Variants in NRG1 observed in about 807,000 individuals in gnomAD.
The protein encoded by NRG1 is pro-neuregulin-1, membrane-bound isoform.
In NRG1, 18 loss-of-function variants were observed where a neutral mutation model predicts 63.8. That is an observed-to-expected ratio of 0.28 (90% CI 0.19 to 0.42). NRG1 has a LOEUF of 0.42. Ranked by LOEUF, NRG1 falls within the 10% of genes least tolerant of loss-of-function variation. NRG1 has a pLI of 1.00. For missense variants in NRG1, 762 were observed against 814.7 expected (o/e 0.94, Z 0.79); for synonymous variants, 302 against 301.3 (o/e 1.00, Z -0.02).
intron 1 of NRG1, among the ~76,000 whole-genome samples, chr8:32,074,999 G>A (rs1826281114): frequency 6.6e-6 from 1 of 152,152 alleles, no homozygotes; most frequent in African/African-American, 2.4e-5. Flanking sequence ...TGTGCCTTTA[G>A]GCAGGATGCC....
At chr8:31,802,721 C>T (rs912307897) in intron 1 of NRG1, among the ~76,000 whole-genome samples, 2 of 152,032 alleles carry the variant, frequency 1.3e-5, no homozygotes, top group Non-Finnish European at 2.9e-5. Context: ...AAGCTATAAA[C>T]CCAGGACCAA....
At chr8:32,528,688 T>A (rs1831137565) in intron 1 of NRG1, among the ~76,000 whole-genome samples, 1 of 152,164 alleles carries the variant, frequency 6.6e-6, no homozygotes, top group Non-Finnish European at 1.5e-5. Flanking sequence ...GGGGGTTTGG[T>A]TCTTGTCATA....
intron 1 of NRG1, among the ~76,000 whole-genome samples, chr8:31,734,323 C>G (rs1170181341): frequency 6.6e-6 from 1 of 152,158 alleles, no homozygotes; most frequent in Non-Finnish European, 1.5e-5. Flanking sequence ...AAGACCTTTT[C>G]TTACAAAAAT....
chr8:31,976,076 G>GTT (rs1808112969), intron 1 of NRG1, among the ~76,000 whole-genome samples: 1 of 152,110 alleles, frequency 6.6e-6, no homozygotes, highest in Admixed American at 6.5e-5. Flanking sequence ...TTAAATGGCT[G>GTT]TAAAGTGACA....
chr8:32,128,317 C>T (rs910281429), intron 1 of NRG1, among the ~76,000 whole-genome samples: 2 of 151,840 alleles, frequency 1.3e-5, no homozygotes, highest in Non-Finnish European at 2.9e-5. Context: ...CCCCTGATGG[C>T]AGTAAAATTT....
chr8:32,307,166 A>T (rs963417163), intron 1 of NRG1, among the ~76,000 whole-genome samples: 5 of 152,096 alleles, frequency 3.3e-5, no homozygotes, highest in African/African-American at 9.7e-5. Flanking sequence ...AAAGGAAACC[A>T]CTCTATGGAA....
chr8:32,317,903 T>C (rs1453997678), intron 1 of NRG1, among the ~76,000 whole-genome samples: 2 of 152,176 alleles, frequency 1.3e-5, no homozygotes, highest in African/African-American at 2.4e-5. Flanking sequence ...GTGGATATAA[T>C]TGAAGAGATG....
At chr8:32,188,381 G>A (rs1260926451) in intron 1 of NRG1, among the ~76,000 whole-genome samples, 1 of 152,154 alleles carries the variant, frequency 6.6e-6, no homozygotes, top group Non-Finnish European at 1.5e-5. Flanking sequence ...TATAGATTTT[G>A]ACACTCAGAT....
chr8:32,225,914 C>G (rs1394183703), intron 1 of NRG1, among the ~76,000 whole-genome samples: 1 of 152,078 alleles, frequency 6.6e-6, no homozygotes. Flanking sequence ...TACCTTTAGT[C>G]TTTATTTTTA....
chr8:32,179,187 T>TG (rs1841149712), intron 1 of NRG1, among the ~76,000 whole-genome samples: 1 of 66,518 alleles, frequency 1.5e-5, no homozygotes, highest in Non-Finnish European at 2.6e-5. Context: ...CTCACAGTCA[T>TG]AAAAAAAAAA....
intron 1 of NRG1, among the ~76,000 whole-genome samples, chr8:32,165,597 G>A (rs1475694884): frequency 1.3e-5 from 2 of 152,170 alleles, no homozygotes; most frequent in Non-Finnish European, 2.9e-5. Flanking sequence ...GCAGAGAAAG[G>A]AGTAATTCAT....
At chr8:32,548,236 C>A (rs1313608042), upstream of NRG1, 6 of 985,310 alleles carry the variant, frequency 6.1e-6, no homozygotes, top group South Asian at 1.4e-4. Flanking sequence ...GCGAAGGAGG[C>A]GCCTGCCTCC....
intron 1 of NRG1, among the ~76,000 whole-genome samples, chr8:32,045,483 A>C (rs2130742132): frequency 6.6e-6 from 1 of 152,108 alleles, no homozygotes; most frequent in South Asian, 2.1e-4. Context: ...AGCTAGTGCT[A>C]AAATTCATAT....
At chr8:32,110,891 G>T (rs1831928932) in intron 1 of NRG1, among the ~76,000 whole-genome samples, 1 of 152,164 alleles carries the variant, frequency 6.6e-6, no homozygotes, top group Admixed American at 6.5e-5. Context: ...CAGAAGCATT[G>T]CTGTCTGGAG....
chr8:32,055,197 A>G (rs1273188433), intron 1 of NRG1, among the ~76,000 whole-genome samples: 4 of 152,136 alleles, frequency 2.6e-5, no homozygotes, highest in African/African-American at 4.8e-5. Context: ...CACTAGCTGA[A>G]TGTTGTTATA....
chr8:31,641,103 T>C (rs894931373), intron 1 of NRG1, among the ~76,000 whole-genome samples: 2 of 152,050 alleles, frequency 1.3e-5, no homozygotes, highest in African/African-American at 4.8e-5. Flanking sequence ...GGAGGAAGGG[T>C]GAGTCCCGCA....
At chr8:31,947,076 G>A (rs1236422442) in intron 1 of NRG1, among the ~76,000 whole-genome samples, 5 of 152,124 alleles carry the variant, frequency 3.3e-5, no homozygotes, top group Admixed American at 3.3e-4. Flanking sequence ...CGAGGCGGGT[G>A]GATCATGAGG....
intron 5 of NRG1, among the ~76,000 whole-genome samples, chr8:32,709,644 C>T (rs899007365): frequency 2.0e-5 from 3 of 152,010 alleles, no homozygotes; most frequent in Admixed American, 6.6e-5. Flanking sequence ...TGGTCTCGAA[C>T]TCCTAGGCTC....
intron 1 of NRG1, among the ~76,000 whole-genome samples, chr8:32,207,730 T>C (rs952041284): frequency 1.3e-5 from 2 of 152,078 alleles, no homozygotes; most frequent in African/African-American, 4.8e-5. Context: ...AAAGCCAGAG[T>C]TAAAAATATC....
Sources: allele counts gnomAD v4.1 joint callset (sites outside exome capture counted in the v4.1 genomes callset), GRCh38; gene constraint gnomAD v4.1.1; transcripts MANE v1.5; gene names NCBI Gene and HGNC (gene_info 2026-07-23, HGNC 2026-07-21).